HDAC8: variants seen among roughly 807,000 people sequenced by gnomAD.
HDAC8 encodes histone deacetylase 8.
Under a neutral mutation model 32.2 loss-of-function variants are expected in HDAC8, and 1 was observed. The observed-to-expected ratio is 0.03, with a 90% CI of 0.01 to 0.15. The LOEUF (loss-of-function observed/expected upper bound fraction) is 0.15, where lower values mean the gene tolerates loss of function less well. Among genes scored for constraint, HDAC8 ranks in the 10% least tolerant of loss-of-function variants. HDAC8 has a pLI of 1.00. For synonymous variants in HDAC8, 108 were observed against 113.9 expected (o/e 0.95, Z 0.33); for missense variants, 117 against 300.0 (o/e 0.39, Z 4.51).
chrX:72,393,603 C>T (rs1358141817), intron 9 of HDAC8, among the ~76,000 whole-genome samples: 14 of 111,600 alleles, frequency 1.3e-4, no homozygotes, highest in African/African-American at 3.9e-4. Context: ...GTGACAGCTT[C>T]TTTGGGGCTG....
intron 4 of HDAC8, among the ~76,000 whole-genome samples, chrX:72,496,142 G>A (rs1389536472): frequency 9.0e-6 from 1 of 110,764 alleles, no homozygotes; most frequent in Non-Finnish European, 1.9e-5. Context: ...CAAATATCCA[G>A]CCCATTTTTT....
At chrX:72,495,578 C>T (rs189302751) in intron 4 of HDAC8, among the ~76,000 whole-genome samples, 1 of 111,352 alleles carries the variant, frequency 9.0e-6, no homozygotes, top group Admixed American at 9.5e-5. Flanking sequence ...GGAATCACTT[C>T]AAAAAATTTG....
intron 9 of HDAC8, among the ~76,000 whole-genome samples, chrX:72,406,018 G>A (rs782629986): frequency 8.1e-5 from 9 of 111,544 alleles, no homozygotes; most frequent in Non-Finnish European, 1.7e-4. Context: ...TGTATCTAAA[G>A]TCTGGTTATA....
intron 4 of HDAC8, among the ~76,000 whole-genome samples, chrX:72,509,145 G>C (rs2049487956): frequency 9.3e-6 from 1 of 107,862 alleles, no homozygotes; most frequent in South Asian, 4.1e-4. Context: ...CTGTTGCCCA[G>C]GCTAGAGTGC....
chrX:72,439,735 A>G (rs145287722), intron 9 of HDAC8, among the ~76,000 whole-genome samples: 2,749 of 110,808 alleles, frequency 0.025, 88 homozygotes, highest in African/African-American at 0.086. Context: ...GAAGGGCATT[A>G]CATAATGGTA....
chrX:72,461,260 G>C (rs1555991604), intron 9 of HDAC8, among the ~76,000 whole-genome samples: 1 of 111,511 alleles, frequency 9.0e-6, no homozygotes, highest in Non-Finnish European at 1.9e-5. Flanking sequence ...TCTATAACAT[G>C]GTTCCTACTT....
At chrX:72,455,392 T>C (rs1375690448) in intron 9 of HDAC8, among the ~76,000 whole-genome samples, 1 of 111,817 alleles carries the variant, frequency 8.9e-6, no homozygotes, top group Non-Finnish European at 1.9e-5. Context: ...TGTGATGAAA[T>C]TGGAGGTATA....
intron 4 of HDAC8, among the ~76,000 whole-genome samples, chrX:72,536,247 G>A (rs1410480200): frequency 9.0e-6 from 1 of 111,345 alleles, no homozygotes; most frequent in African/African-American, 3.3e-5. Context: ...GAAGGAGACT[G>A]GAAAAAACAG....
At chrX:72,500,602 T>C (rs1194291731) in intron 4 of HDAC8, among the ~76,000 whole-genome samples, 2 of 111,658 alleles carry the variant, frequency 1.8e-5, no homozygotes, top group African/African-American at 6.5e-5. Context: ...AAACTCTCAA[T>C]AGGTATTGAA....
At chrX:72,490,795 T>C in intron 6 of HDAC8, 134 bp downstream of exon 6, 1 of 450,868 alleles carries the variant, frequency 2.2e-6, no homozygotes, top group South Asian at 4.1e-5. Context: ...TGAATGAAAA[T>C]GCAAAAAAAA....
At chrX:72,392,963 C>A (rs1411474572) in intron 9 of HDAC8, among the ~76,000 whole-genome samples, 1 of 111,952 alleles carries the variant, frequency 8.9e-6, no homozygotes, top group African/African-American at 3.2e-5. Context: ...GGGCATTCTA[C>A]TTAAGAGTAA....
At chrX:72,443,751 G>A (rs1333820971) in intron 9 of HDAC8, among the ~76,000 whole-genome samples, 2 of 108,155 alleles carry the variant, frequency 1.8e-5, no homozygotes, top group Non-Finnish European at 3.8e-5. Flanking sequence ...CCAGGAGCTG[G>A]TTTTTTGAAA....
intron 9 of HDAC8, among the ~76,000 whole-genome samples, chrX:72,401,664 A>G (rs1254069713): frequency 8.9e-6 from 1 of 112,395 alleles, no homozygotes; most frequent in Non-Finnish European, 1.9e-5. Flanking sequence ...GGCCATTTGT[A>G]TATCTTCTTT....
intron 9 of HDAC8, among the ~76,000 whole-genome samples, chrX:72,413,517 T>C (rs2046257271): frequency 9.0e-6 from 1 of 111,098 alleles, no homozygotes; most frequent in Non-Finnish European, 1.9e-5. Flanking sequence ...AGGAAAGCTT[T>C]GTCTTGCCAA....
chrX:72,367,291 G>T (rs1409295721), intron 9 of HDAC8, among the ~76,000 whole-genome samples: 1 of 112,143 alleles, frequency 8.9e-6, no homozygotes, highest in Non-Finnish European at 1.9e-5. Flanking sequence ...AGGCCCACAT[G>T]GCACAGGGGA....
chrX:72,465,639 A>G (rs888691279), intron 7 of HDAC8, among the ~76,000 whole-genome samples: 1 of 111,917 alleles, frequency 8.9e-6, no homozygotes, highest in Non-Finnish European at 1.9e-5. Flanking sequence ...ACTCTTACAG[A>G]GACGTATAAA....
chrX:72,355,924 C>T (rs782301707), intron 9 of HDAC8, among the ~76,000 whole-genome samples: 4 of 111,836 alleles, frequency 3.6e-5, no homozygotes, highest in African/African-American at 1.3e-4. Context: ...CAATAAGACA[C>T]GTTTCATAGG....
At chrX:72,391,431 C>T (rs1189979470) in intron 9 of HDAC8, among the ~76,000 whole-genome samples, 1 of 112,368 alleles carries the variant, frequency 8.9e-6, no homozygotes, top group Non-Finnish European at 1.9e-5. Context: ...AGATAGGGAA[C>T]TCATCATTCA....
intron 4 of HDAC8, among the ~76,000 whole-genome samples, chrX:72,499,973 A>T (rs2049153745): frequency 8.9e-6 from 1 of 111,821 alleles, no homozygotes; most frequent in South Asian, 3.7e-4. Flanking sequence ...ACAGAAGCAA[A>T]AATAACCAGC....
Sources: gnomAD v4.1 joint callset for allele counts (sites outside exome capture counted in the v4.1 genomes callset) on GRCh38, gnomAD v4.1.1 for gene constraint, MANE v1.5 for transcripts, NCBI Gene and HGNC (gene_info 2026-07-23, HGNC 2026-07-21) for gene names.